The following CHST15 variants were observed in gnomAD, a reference collection of about 807,000 sequenced individuals.
CHST15 encodes the protein B cell RAG associated protein (GALNAC4S-6ST).
CHST15 carries 30 observed loss-of-function variants against 53.6 expected under a neutral mutation model. The ratio of observed to expected loss-of-function variants is 0.56; its 90% CI spans 0.42 to 0.76. The LOEUF (loss-of-function observed/expected upper bound fraction) is 0.76, where lower values mean the gene tolerates loss of function less well. CHST15 is among the 30% of genes least tolerant of loss of function. The probability of loss-of-function intolerance (pLI) is 0.00; values close to 1 mark genes in which losing one functional copy is unlikely to be tolerated. For synonymous variants in CHST15, 296 were observed against 289.8 expected (o/e 1.02, Z -0.22); for missense variants, 627 against 740.5 (o/e 0.85, Z 1.78).
At chr10:124,041,474 A>G (rs1389309107) in intron 4 of CHST15, among the ~76,000 whole-genome samples, 4 of 152,182 alleles carry the variant, frequency 2.6e-5, no homozygotes, top group Admixed American at 2.6e-4. Flanking sequence ...TATTAATCCT[A>G]TTAATCCTGT....
In CHST15 at chr10:124,007,915, G is replaced by A. The variant is rs1010479569; in HGVS notation, c.*2234C>T. 4.6e-5 allele frequency: 57 copies of A among 1,231,904 alleles called. No individual in the cohort carries two copies. Among genetic ancestry groups the A allele is most frequent in the Middle Eastern group, 6.2e-4 (2 of 3,230 alleles). The allele number at this position is 1,231,904 out of a possible 1,614,324, so 76.3% of individuals were successfully genotyped here. On this transcript the variant is annotated 3_prime_UTR_variant, in exon 8 of 8. Coordinates refer to ENST00000435907, the MANE Select transcript of CHST15 (RefSeq NM_001270764.2). ...AGGCTCGAGAACCACCGCCCAGAAC[G>A]GAACCTATTCTGTCAGCAAGAGCCG...
Sources: allele counts gnomAD v4.1 joint callset (sites outside exome capture counted in the v4.1 genomes callset), GRCh38; gene constraint gnomAD v4.1.1; transcripts MANE v1.5; gene names NCBI Gene and HGNC (gene_info 2026-07-23, HGNC 2026-07-21).